ZNF577: variants seen among roughly 807,000 people sequenced by gnomAD.
ZNF577 encodes the protein zinc finger protein 577.
A neutral mutation model predicts 13.9 loss-of-function variants in ZNF577; 14 were observed. That is an observed-to-expected ratio of 1.00 (90% CI 0.66 to 1.57). ZNF577 has a LOEUF of 1.57. Among genes scored for constraint, ZNF577 ranks in the 40% most tolerant of loss-of-function variants. The probability of loss-of-function intolerance (pLI) is 0.00; values close to 1 mark genes in which losing one functional copy is unlikely to be tolerated. For missense variants in ZNF577, 555 were observed against 579.2 expected (o/e 0.96, Z 0.43); for synonymous variants, 203 against 202.9 (o/e 1.00, Z 0.00).
chr19:51,877,266 G>GT lies in ZNF577; in HGVS notation c.283+15dup. The GT allele has an allele frequency of 6.2e-7, 1 of 1,609,828 alleles. No individual in the cohort carries two copies. The highest frequency in any genetic ancestry group is 8.5e-7 in the Non-Finnish European group (1 of 1,176,462). ...CATGCCATTTCTCCCCATTTTCTTA[G>GT]TTTTCACTCACTTACCTGGACAGAT... On this transcript the variant is annotated intron_variant, in intron 5 of 5. Coordinates refer to ENST00000638348, the MANE Select transcript of ZNF577 (RefSeq NM_001370449.1).
At chr19:51,857,427 A>AAAG (rs1555745837) in intron 5 of ZNF577, among the ~76,000 whole-genome samples, 38 of 60,826 alleles carry the variant, frequency 6.2e-4, no homozygotes, top group African/African-American at 2.5e-3. Context: ...AGAAAGAAAG[A>AAAG]AAAGAAAAAA....
chr19:51,808,841 T>C (rs1346528871), intron 10 of ZNF577, among the ~76,000 whole-genome samples: 2 of 152,224 alleles, frequency 1.3e-5, no homozygotes, highest in Non-Finnish European at 2.9e-5. Flanking sequence ...AATTCCAAGC[T>C]TATGTGTCCG....
rs756448684 is a variant in ZNF577, at chr19:51,824,394, A to G, written c.*600-12720T>C. ...TATTGGCTTCAGCGTGCCTATGTCC[A>G]TCATCACAGTCTGCTATGGGATCAT... On this transcript the variant is annotated intron_variant and NMD_transcript_variant, in intron 9 of 10. Coordinates refer to the ZNF577 transcript ENST00000638827. The surrounding 1 kb of genome is among the most constrained non-coding windows in gnomAD (Gnocchi z 4.7). 6.2e-7 allele frequency: 1 copy of G among 1,614,122 alleles called. No individual in the cohort carries two copies.
Position 51,824,806 on chromosome 19 carries a change from T to C in ZNF577, c.*600-13132A>G, listed in dbSNP as rs560962882. ...CCTGAGGAGACGGAGTTACAAGCAA[T>C]GTGAGGTCGGGGATATTTTTGGGCT... On this transcript the variant is annotated intron_variant and NMD_transcript_variant, in intron 9 of 10. Coordinates refer to the ZNF577 transcript ENST00000638827. The surrounding 1 kb of genome is among the most constrained non-coding windows in gnomAD (Gnocchi z 4.7). 5.4e-5 allele frequency: 87 copies of C among 1,604,878 alleles called. No individual in the cohort carries two copies. The South Asian group carries it at 9.1e-4, about 17-fold the overall frequency.
At chr19:51,862,829 C>T (rs2084518106), downstream of ZNF577, 1 of 152,706 alleles carries the variant, frequency 6.5e-6, no homozygotes, top group African/African-American at 2.4e-5. Flanking sequence ...TATGGTTTCT[C>T]TCCTGTGTGA....
At chr19:51,818,076 C>A (rs1016704380) in intron 9 of ZNF577, among the ~76,000 whole-genome samples, 4 of 151,362 alleles carry the variant, frequency 2.6e-5, no homozygotes, top group Admixed American at 2.6e-4. Flanking sequence ...ATGGACGAAG[C>A]TGGAAACCAT....
At chr19:51,854,047 TTAAG>T (rs1255587284) in intron 5 of ZNF577, among the ~76,000 whole-genome samples, 1 of 152,192 alleles carries the variant, frequency 6.6e-6, no homozygotes, top group Non-Finnish European at 1.5e-5. Context: ...ATACTATTCT[TTAAG>T]TTTTTCTATA....
chr19:51,823,632 T>C (rs914137622), intron 9 of ZNF577: 1 of 854,050 alleles, frequency 1.2e-6, no homozygotes, highest in East Asian at 2.7e-5. Flanking sequence ...CAAGGCTCAC[T>C]GGGGAGGGTC....
chr19:51,866,351 T>C (rs966406796), downstream of ZNF577, among the ~76,000 whole-genome samples: 1 of 151,780 alleles, frequency 6.6e-6, no homozygotes, highest in Non-Finnish European at 1.5e-5. Flanking sequence ...GCAAGACCTG[T>C]CTCAAATAAA....
At chr19:51,855,016 G>A (rs8102206) in intron 5 of ZNF577, among the ~76,000 whole-genome samples, 57,406 of 151,936 alleles carry the variant, frequency 0.38, 11,969 homozygotes, top group African/African-American at 0.55. Context: ...TAACATAGCT[G>A]ACTTTTAATC....
At chr19:51,841,061 A>C (rs2084317594) in intron 8 of ZNF577, 2 of 152,156 alleles carry the variant, frequency 1.3e-5, no homozygotes, top group African/African-American at 2.4e-5. Context: ...GAAGCCCCCC[A>C]CCATTTCACA....
At chr19:51,857,344 AAGAG>A (rs1331600561) in intron 5 of ZNF577, among the ~76,000 whole-genome samples, 4 of 145,930 alleles carry the variant, frequency 2.7e-5, no homozygotes, top group African/African-American at 1.0e-4. Flanking sequence ...GAGAGAAAGA[AAGAG>A]AGAAAGAAAG....
Position 51,869,564 on chromosome 19 carries a change from A to T in ZNF577, c.*2968T>A, listed in dbSNP as rs1408372133. ...ACCAGTGCCGGTGCGGGTCCTCCAT[A>T]TGCTGAGCACCGGTCCCCTGGGGCC... On this transcript the variant is annotated 3_prime_UTR_variant, in exon 6 of 6. Coordinates refer to ENST00000638348, the MANE Select transcript of ZNF577 (RefSeq NM_001370449.1). Among the ~76,000 whole-genome samples, 1 of 151,972 alleles carries T rather than the reference A, an allele frequency of 6.6e-6. No homozygotes were observed. The highest frequency in any genetic ancestry group is 2.4e-5 in the African/African-American group (1 of 41,374).
At chr19:51,860,828 C>T (rs2084489908) in intron 5 of ZNF577, 1 of 324,402 alleles carries the variant, frequency 3.1e-6, no homozygotes, top group Admixed American at 5.4e-5. Flanking sequence ...ATCACAATCA[C>T]ATTCACTGTA....
intron 9 of ZNF577, among the ~76,000 whole-genome samples, chr19:51,819,067 A>C (rs1231383236): frequency 6.6e-6 from 1 of 152,086 alleles, no homozygotes; most frequent in African/African-American, 2.4e-5. Flanking sequence ...AATCAATAGG[A>C]CTTGGATTGT....
rs186830310 is a variant in ZNF577 at position 51,807,218 on chromosome 19, G to C, written c.*818-1964C>G. Reference sequence around the variant, plus strand: ...CAGGCAAAAGAGATAGCAGGAAGTGGGGGGGGTGGTTGCTGGCTAGCAGCC... The same window carrying C: ...CAGGCAAAAGAGATAGCAGGAAGTGCGGGGGGTGGTTGCTGGCTAGCAGCC... On this transcript the variant is annotated intron_variant and NMD_transcript_variant, in intron 10 of 10. Coordinates refer to the ZNF577 transcript ENST00000638827. 5.4e-3 allele frequency among the ~76,000 whole-genome samples: 346 copies of C among 64,576 alleles called. 1 individual carries two copies. The highest frequency in any genetic ancestry group is 0.031 in the African/African-American group (327 of 10,684). The allele number at this position is 64,576 out of a possible 152,430, so 42.4% of individuals were successfully genotyped here.
intron 9 of ZNF577, chr19:51,817,676 T>G (rs1248057378): frequency 6.6e-6 from 1 of 152,170 alleles, no homozygotes; most frequent in Non-Finnish European, 1.5e-5. Flanking sequence ...GGCATTCTGT[T>G]TTGAGGGATG....
At position 51,873,373 on chromosome 19, in the gene ZNF577, C is replaced by G; in HGVS notation, c.617G>C (p.Arg206Thr). Residue 206 changes from arginine (R) to threonine (T), a missense_variant, in exon 6 of 6, where the codon AGA (arginine) becomes ACA (threonine). Arg to Thr is a moderately conservative substitution (Grantham distance 71, BLOSUM62 -1). Coordinates refer to ENST00000638348, the MANE Select transcript of ZNF577 (RefSeq NM_001370449.1). ...MRKIQLTEHQRTHTGEKPHEC... is the reference protein window; with the variant it reads ...MRKIQLTEHQTTHTGEKPHEC... ...ATGGGGCTTCTCTCCTGTGTGAGTTCTCTGATGCTCAGTGAGCTGAATCTT... is the reference window on the plus strand; with the variant it reads ...ATGGGGCTTCTCTCCTGTGTGAGTTGTCTGATGCTCAGTGAGCTGAATCTT... 1 of 1,614,214 alleles carries G rather than the reference C, an allele frequency of 6.2e-7. No homozygotes were observed. The highest frequency in any genetic ancestry group is 8.5e-7 in the Non-Finnish European group (1 of 1,180,044).
At chr19:51,885,700 G>T (rs112819549) in intron 1 of ZNF577, among the ~76,000 whole-genome samples, 1 of 152,022 alleles carries the variant, frequency 6.6e-6, no homozygotes, top group Non-Finnish European at 1.5e-5. Context: ...AGTAGGGATG[G>T]GGTTTCATCA....
Sources: allele counts gnomAD v4.1 joint callset (sites outside exome capture counted in the v4.1 genomes callset), GRCh38; gene constraint gnomAD v4.1.1; non-coding constraint Gnocchi (gnomAD v3.1); transcripts MANE v1.5; gene names NCBI Gene and HGNC (gene_info 2026-07-23, HGNC 2026-07-21).